Variants in MANSC4 observed in about 807,000 individuals in gnomAD.
MANSC4 encodes MANSC domain-containing protein 4.
MANSC4 carries 11 observed loss-of-function variants against 11.4 expected under a neutral mutation model. The observed-to-expected ratio is 0.97, with a 90% confidence interval of 0.61 to 1.60. The LOEUF (loss-of-function observed/expected upper bound fraction) is 1.60, where lower values mean the gene tolerates loss of function less well. Among genes scored for constraint, MANSC4 ranks in the 40% most tolerant of loss-of-function variants. MANSC4 has a pLI of 0.00. For synonymous variants in MANSC4, 123 were observed against 147.1 expected, an observed-to-expected ratio of 0.84 and a Z score of 1.19; for missense variants, 354 against 404.6, an observed-to-expected ratio of 0.88 and a Z score of 1.07.
At chr12:27,767,564 G>A (rs1219558759) in intron 2 of MANSC4, among the ~76,000 whole-genome samples, 2 of 152,070 alleles carry the variant, frequency 1.3e-5, no homozygotes, top group Admixed American at 6.5e-5. Context: ...TTAGCCAGGC[G>A]TGGTGGCGCA....
chr12:27,766,365 C>T (rs1411975796), intron 3 of MANSC4, among the ~76,000 whole-genome samples: 2 of 152,134 alleles, frequency 1.3e-5, no homozygotes, highest in East Asian at 1.9e-4. Context: ...CGCGCCTGGC[C>T]GAGAAATGCT....
chr12:27,763,887 C>T (rs568165782), intron 3 of MANSC4, among the ~76,000 whole-genome samples: 1 of 151,496 alleles, frequency 6.6e-6, no homozygotes, highest in Non-Finnish European at 1.5e-5. Context: ...TGCGCCACCA[C>T]GCCCAGCTAA....
intron 2 of MANSC4, 40 bp downstream of exon 2, chr12:27,771,007 GT>G (rs1378850742): frequency 6.8e-7 from 1 of 1,468,222 alleles, no homozygotes; most frequent in African/African-American, 1.4e-5. Context: ...ATCCTTGGAA[GT>G]TTCTTCTTAT....
intron 1 of MANSC4, among the ~76,000 whole-genome samples, chr12:27,772,686 T>G (rs1276782727): frequency 6.6e-6 from 1 of 152,338 alleles, no homozygotes; most frequent in African/African-American, 2.4e-5. Flanking sequence ...AAAGCAAATT[T>G]CAGTTGCTCA....
At position 27,766,686 on chromosome 12, in the gene MANSC4, T is replaced by C; in HGVS notation, c.343A>G (p.Ile115Val). 6.4e-7 allele frequency: 1 copy of C among 1,551,414 alleles called. No individual in the cohort carries two copies. Among genetic ancestry groups the C allele is most frequent in the Non-Finnish European group, 8.7e-7 (1 of 1,146,942 alleles). Residue 115 changes from isoleucine (I) to valine (V), a missense_variant, in exon 3 of 4, where the codon ATT (isoleucine) becomes GTT (valine). Coordinates refer to ENST00000381273, the MANE Select transcript of MANSC4 (RefSeq NM_001146221.5). ...TTACCGTCTGTTATGTTGTACAAAATGGCACTGGTTCCAGGCTCTAATATG... is the reference window on the plus strand; with the variant it reads ...TTACCGTCTGTTATGTTGTACAAAACGGCACTGGTTCCAGGCTCTAATATG... Reference protein sequence around the residue: ...SCILEPGTSAILYNITDGIDP... With the variant: ...SCILEPGTSAVLYNITDGIDP...
At position 27,771,419 on chromosome 12, in the gene MANSC4, G is replaced by A; in HGVS notation, c.-143C>T. 1.5e-6 allele frequency: 1 copy of A among 681,292 alleles called. No individual in the cohort carries two copies. Among genetic ancestry groups the A allele is most frequent in the Non-Finnish European group, 2.4e-6 (1 of 409,060 alleles). 42.2% of individuals were successfully genotyped at this position (681,292 alleles called of 1,614,324 possible). On this transcript the variant is annotated 5_prime_UTR_variant, in exon 2 of 4. Transcript: ENST00000381273. Reference sequence around the variant, plus strand: ...AGCTTTTCTGGAGAGTCACTTTCTAGCAAAATAAGACCACTCTTTGCACAT... The same window carrying A: ...AGCTTTTCTGGAGAGTCACTTTCTAACAAAATAAGACCACTCTTTGCACAT...
rs541553663 is a variant in MANSC4, at chr12:27,778,079, G to A, written c.-307+2131C>T. On this transcript the variant is annotated intron_variant, in intron 1 of 3. Coordinates refer to ENST00000381273, the MANE Select transcript of MANSC4 (RefSeq NM_001146221.5). ...CGTCTCTACTAAAAATACAAAATTAGCCGGGTGTGGTGGCTCATGCCTGGA... is the reference window on the plus strand; with the variant it reads ...CGTCTCTACTAAAAATACAAAATTAACCGGGTGTGGTGGCTCATGCCTGGA... 2.0e-5 allele frequency among the ~76,000 whole-genome samples: 3 copies of A among 152,074 alleles called. No homozygotes were observed. The South Asian group carries it at 6.2e-4, about 32-fold the overall frequency.
Position 27,766,660 on chromosome 12 carries a change from A to G in MANSC4, c.364+5T>C. The G allele has an allele frequency of 6.5e-7, 1 of 1,550,000 alleles. No individual in the cohort carries two copies. The highest frequency in any genetic ancestry group is 1.2e-5 in the South Asian group (1 of 83,468). On this transcript the variant is annotated splice_donor_5th_base_variant and intron_variant, in intron 3 of 3. Transcript: ENST00000381273. ...TTTTAAAGTCTTGAAATATGTAATC[A>G]TTACCGTCTGTTATGTTGTACAAAA...
At chr12:27,774,104 C>T (rs902412965) in intron 1 of MANSC4, among the ~76,000 whole-genome samples, 2 of 152,062 alleles carry the variant, frequency 1.3e-5, no homozygotes, top group Admixed American at 6.5e-5. Context: ...GACGAGATTG[C>T]ACCACTGCAC....
At position 27,763,486 on chromosome 12, in the gene MANSC4, C is replaced by T. The variant is rs114524433; in HGVS notation, c.365-90G>A. 506 of 1,234,264 alleles carry T rather than the reference C, an allele frequency of 4.1e-4. 1 individual carries two copies. In the African/African-American group the frequency reaches 6.7e-3, roughly 16 times the overall value. 76.5% of individuals were successfully genotyped at this position (1,234,264 alleles called of 1,614,324 possible). ...GTTTGGAGAAGGGGTTGGCTTTTGC[C>T]GCTATGAGTTATCGAACGAAGCTAA... On this transcript the variant is annotated intron_variant, in intron 3 of 3. Transcript: ENST00000381273.
chr12:27,775,099 G>C (rs951178940), intron 1 of MANSC4, among the ~76,000 whole-genome samples: 2 of 152,088 alleles, frequency 1.3e-5, no homozygotes, highest in Non-Finnish European at 2.9e-5. Context: ...GGTTAAAGCA[G>C]AGGGCACTGC....
chr12:27,779,607 C>G (rs1177121237), intron 1 of MANSC4, among the ~76,000 whole-genome samples: 1 of 152,210 alleles, frequency 6.6e-6, no homozygotes, highest in Non-Finnish European at 1.5e-5. Context: ...AGATCGCCTG[C>G]GTGCCTCAGC....
intron 3 of MANSC4, among the ~76,000 whole-genome samples, chr12:27,764,871 G>A (rs2062065385): frequency 6.6e-6 from 1 of 152,048 alleles, no homozygotes; most frequent in Non-Finnish European, 1.5e-5. Context: ...TTAAGAGACA[G>A]CTGTTACTCA....
chr12:27,766,047 T>C (rs1307917025), intron 3 of MANSC4, among the ~76,000 whole-genome samples: 1 of 151,700 alleles, frequency 6.6e-6, no homozygotes, highest in Non-Finnish European at 1.5e-5. Flanking sequence ...CTTTATCTCC[T>C]AGTGGCCCCT....
rs1048527823 is a variant in MANSC4 at position 27,774,041 on chromosome 12, G to A, written c.-306-2459C>T. On this transcript the variant is annotated intron_variant, in intron 1 of 3. Transcript: ENST00000381273. ...CACACGGCTGTAATCCCAGCTACTC[G>A]GGAGGTTGAGGCAAGAAAATCACTT... Among the ~76,000 whole-genome samples the A allele has an allele frequency of 7.2e-5, 11 of 152,010 alleles. No homozygotes were observed. In the South Asian group the frequency reaches 1.2e-3, roughly 17 times the overall value.
chr12:27,778,300 A>T (rs1414315649), intron 1 of MANSC4, among the ~76,000 whole-genome samples: 1 of 152,096 alleles, frequency 6.6e-6, no homozygotes, highest in Non-Finnish European at 1.5e-5. Context: ...ATAATAATAA[A>T]CAAAGTAAAA....
rs148087184 is a variant in MANSC4, at chr12:27,772,797, C to T, written c.-306-1215G>A. ...GGAAAGGATGAGTAACAAAAAATTA[C>T]TCTCGATATTTTATGAGATTCCATG... is the stretch of plus-strand genomic sequence containing the variant. On this transcript the variant is annotated intron_variant, in intron 1 of 3. Transcript: ENST00000381273. Among the ~76,000 whole-genome samples the T allele has an allele frequency of 3.9e-5, 6 of 152,244 alleles. 1 individual carries two copies. In the East Asian group the frequency reaches 1.2e-3, roughly 29 times the overall value.
intron 1 of MANSC4, among the ~76,000 whole-genome samples, chr12:27,777,214 G>T (rs956021395): frequency 6.6e-6 from 1 of 152,138 alleles, no homozygotes; most frequent in Non-Finnish European, 1.5e-5. Context: ...CTTTGAGCAT[G>T]ATTTTTTTGG....
At position 27,771,306 on chromosome 12, in the gene MANSC4, A is replaced by C. The variant is rs1172491179; in HGVS notation, c.-30T>G. 6.5e-7 allele frequency: 1 copy of C among 1,533,310 alleles called. No homozygotes were observed. Among genetic ancestry groups the C allele is most frequent in the Admixed American group, 2.0e-5 (1 of 50,430 alleles). 95.0% of individuals were successfully genotyped at this position (1,533,310 alleles called of 1,614,324 possible). A position where few individuals can be genotyped will look rare whatever the true frequency, so the allele number is the denominator to read the frequency against. ...CCTGTATGAAGGAAGACTCGAAGAT[A>C]AGTCTGATTTCCAGACAGAAGCTGA... On this transcript the variant is annotated 5_prime_UTR_variant, in exon 2 of 4. Coordinates refer to ENST00000381273, the MANE Select transcript of MANSC4 (RefSeq NM_001146221.5).
Sources: gnomAD v4.1 joint callset for allele counts (sites outside exome capture counted in the v4.1 genomes callset) on GRCh38, gnomAD v4.1.1 for gene constraint, MANE v1.5 for transcripts, NCBI Gene and HGNC (gene_info 2026-07-23, HGNC 2026-07-21) for gene names.